Variants in LRRC3C observed in about 807,000 individuals in gnomAD.
LRRC3C encodes leucine-rich repeat-containing protein 3C.
A neutral mutation model predicts 14.8 loss-of-function variants in LRRC3C; 11 were observed. The observed-to-expected ratio is 0.74, with a 90% CI of 0.47 to 1.23. The LOEUF is 1.23. LRRC3C is among the 50% of genes most tolerant of loss of function. The pLI is 0.00. For missense variants in LRRC3C, 354 were observed against 361.8 expected (o/e 0.98, Z 0.18); for synonymous variants, 149 against 161.5 (o/e 0.92, Z 0.59).
At chr17:39,929,692 A>G (rs1415896063) in intron 1 of LRRC3C, among the ~76,000 whole-genome samples, 2 of 152,196 alleles carry the variant, frequency 1.3e-5, no homozygotes, top group Non-Finnish European at 2.9e-5. Flanking sequence ...AGCATATTCT[A>G]AGGAAGTCAT....
chr17:39,932,765 A>G (rs1277920234), intron 1 of LRRC3C, among the ~76,000 whole-genome samples: 1 of 146,898 alleles, frequency 6.8e-6, no homozygotes, highest in Non-Finnish European at 1.5e-5. Context: ...TCTTAAAACA[A>G]CAACAACCGG....
chr17:39,933,516 C>T (rs1223425679), intron 1 of LRRC3C, among the ~76,000 whole-genome samples: 4 of 152,082 alleles, frequency 2.6e-5, no homozygotes, highest in Admixed American at 6.6e-5. Flanking sequence ...GGGCAGATCA[C>T]GAGGTCAGGA....
At chr17:39,943,261 A>G (rs926124906) in intron 3 of LRRC3C, among the ~76,000 whole-genome samples, 3 of 152,236 alleles carry the variant, frequency 2.0e-5, no homozygotes, top group Non-Finnish European at 4.4e-5. Flanking sequence ...GCCTACGTCC[A>G]GGGACAGGGC....
At chr17:39,936,053 C>G (rs1308840572) in intron 2 of LRRC3C, among the ~76,000 whole-genome samples, 159 bp downstream of exon 2, 1 of 152,196 alleles carries the variant, frequency 6.6e-6, no homozygotes, top group African/African-American at 2.4e-5. Context: ...CCCCTGTGGT[C>G]ACATATTGGG....
intron 1 of LRRC3C, among the ~76,000 whole-genome samples, chr17:39,930,708 C>CAAAA (rs71300058): frequency 8.5e-5 from 6 of 70,608 alleles, no homozygotes; most frequent in Admixed American, 4.2e-4. Context: ...GGCTCTGTCT[C>CAAAA]AAAAAAAAAA....
At chr17:39,943,885 G>T (rs1448942433) in intron 3 of LRRC3C, 48 bp from the exon 4 acceptor site, 1 of 1,524,068 alleles carries the variant, frequency 6.6e-7, no homozygotes, top group Admixed American at 2.0e-5. Context: ...AGTGGGGCAT[G>T]CGATTCTCTT....
chr17:39,931,832 G>A lies in LRRC3C; in HGVS notation c.-174-3970G>A, dbSNP rs151162021. Among the ~76,000 whole-genome samples, 1,312 of 151,860 alleles carry A rather than the reference G, an allele frequency of 8.6e-3. 12 individuals carry two copies. The highest frequency in any genetic ancestry group is 0.03 in the African/African-American group (1,246 of 41,382). On this transcript the variant is annotated intron_variant, in intron 1 of 3. Coordinates refer to ENST00000377924, the MANE Select transcript of LRRC3C (RefSeq NM_001195545.2). ...CATCCAGGTAATTTTTGTATTTTTAGTTGAGACAGGGTTTCACCATGTTGG... is the reference window on the plus strand; with the variant it reads ...CATCCAGGTAATTTTTGTATTTTTAATTGAGACAGGGTTTCACCATGTTGG...
intron 3 of LRRC3C, 122 bp from the exon 4 acceptor site, chr17:39,943,811 C>T: frequency 3.5e-6 from 3 of 860,748 alleles, no homozygotes; most frequent in Middle Eastern, 2.4e-4. Context: ...TGAGAGAAGC[C>T]CCCAGAGAAG....
intron 2 of LRRC3C, among the ~76,000 whole-genome samples, chr17:39,940,614 ATT>A (rs57302825): frequency 0.11 from 15,519 of 147,302 alleles, 893 homozygotes; most frequent in African/African-American, 0.12. Flanking sequence ...CATTTGGACA[ATT>A]TTTTTTTTTT....
At chr17:39,934,265 G>T (rs1349053505) in intron 1 of LRRC3C, among the ~76,000 whole-genome samples, 1 of 152,154 alleles carries the variant, frequency 6.6e-6, no homozygotes, top group South Asian at 2.1e-4. Flanking sequence ...CTTTGATATG[G>T]ACAATTGACA....
Position 39,941,445 on chromosome 17 carries a change from C to T in LRRC3C, c.-79C>T, listed in dbSNP as rs1239321752. ...CCCCATTTTTATTTTGCACTCAGCT[C>T]TACAATTCCGTGTCCAGTCCTGGTC... is the stretch of plus-strand genomic sequence containing the variant. On this transcript the variant is annotated splice_region_variant and 5_prime_UTR_variant, in exon 3 of 4. Transcript: ENST00000377924. 2.5e-6 allele frequency: 3 copies of T among 1,218,898 alleles called. No individual in the cohort carries two copies. The highest frequency in any genetic ancestry group is 2.6e-5 in the East Asian group (1 of 38,758). 75.5% of individuals were successfully genotyped at this position (1,218,898 alleles called of 1,614,324 possible). A position where few individuals can be genotyped will look rare whatever the true frequency, so the allele number is the denominator to read the frequency against.
intron 2 of LRRC3C, among the ~76,000 whole-genome samples, chr17:39,939,113 G>A (rs539782364): frequency 6.6e-6 from 1 of 152,078 alleles, no homozygotes; most frequent in East Asian, 1.9e-4. Context: ...CCTATTCTGC[G>A]GACTTCTGCT....
At chr17:39,939,022 A>G (rs72832961) in intron 2 of LRRC3C, among the ~76,000 whole-genome samples, 16,714 of 150,564 alleles carry the variant, frequency 0.11, 935 homozygotes, top group African/African-American at 0.14. Context: ...TCTCAAAGAA[A>G]AAAAAAAAAA....
At chr17:39,930,261 G>C in intron 1 of LRRC3C, among the ~76,000 whole-genome samples, 1 of 104,246 alleles carries the variant, frequency 9.6e-6, no homozygotes, top group African/African-American at 3.9e-5. Context: ...CTGGGCAGCA[G>C]AGTGAGATCC....
chr17:39,929,132 A>C (rs4795402), intron 1 of LRRC3C: 102,570 of 152,052 alleles, frequency 0.67, 35,507 homozygotes, highest in Middle Eastern at 0.8. Flanking sequence ...TTAAGGCAAG[A>C]AAGGTGTCTC....
At chr17:39,932,124 CA>C (rs1210515948) in intron 1 of LRRC3C, among the ~76,000 whole-genome samples, 1 of 152,178 alleles carries the variant, frequency 6.6e-6, no homozygotes, top group African/African-American at 2.4e-5. Context: ...TAACCTTAAG[CA>C]AGTTACTGAA....
chr17:39,930,397 A>G lies in LRRC3C; in HGVS notation c.-175+2583A>G, dbSNP rs1358861634. On this transcript the variant is annotated intron_variant, in intron 1 of 3. Transcript: ENST00000377924. ...ATCCTGATTCAAGCAAACTGACTTT[A>G]AAAAAAAAAAAAAAAAAAAAAAAAA... Among the ~76,000 whole-genome samples the G allele has an allele frequency of 4.0e-3, 40 of 9,896 alleles. 1 individual carries two copies. Among genetic ancestry groups the G allele is most frequent in the East Asian group, 5.5e-3 (2 of 366 alleles). The allele number at this position is 9,896 out of a possible 152,430, so 6.5% of individuals were successfully genotyped here. A position where few individuals can be genotyped will look rare whatever the true frequency, so the allele number is the denominator to read the frequency against.
Position 39,944,896 on chromosome 17 carries a change from T to C in LRRC3C, c.*162T>C. 1 of 664,958 alleles carries C rather than the reference T, an allele frequency of 1.5e-6. No individual in the cohort carries two copies. The allele number at this position is 664,958 out of a possible 1,614,324, so 41.2% of individuals were successfully genotyped here. Reference sequence around the variant, plus strand: ...TAAATACCTGTGCTGGTTCTCTCTCTCTCTCTCTGTGTCGTCTTAACCAAC... The same window carrying C: ...TAAATACCTGTGCTGGTTCTCTCTCCCTCTCTCTGTGTCGTCTTAACCAAC... On this transcript the variant is annotated 3_prime_UTR_variant, in exon 4 of 4. Coordinates refer to ENST00000377924, the MANE Select transcript of LRRC3C (RefSeq NM_001195545.2).
rs759743797 is a variant in LRRC3C, at chr17:39,941,413, A to C, written c.-81-30A>C. 1,145 of 704,094 alleles carry C rather than the reference A, an allele frequency of 1.6e-3. 10 individuals are homozygous for C. The African/African-American group carries it at 0.017, about 10-fold the overall frequency. The allele number at this position is 704,094 out of a possible 1,614,324, so 43.6% of individuals were successfully genotyped here. On this transcript the variant is annotated intron_variant, in intron 2 of 3. Transcript: ENST00000377924. ...GGTTTTTGAAACAAGGGACCCCCCCACACACACCCCATTTTTATTTTGCAC... is the reference window on the plus strand; with the variant it reads ...GGTTTTTGAAACAAGGGACCCCCCCCCACACACCCCATTTTTATTTTGCAC...
Sources: allele counts gnomAD v4.1 joint callset (sites outside exome capture counted in the v4.1 genomes callset), GRCh38; gene constraint gnomAD v4.1.1; transcripts MANE v1.5; gene names NCBI Gene and HGNC (gene_info 2026-07-23, HGNC 2026-07-21).